CACNB2: variants seen among roughly 807,000 people sequenced by gnomAD.
CACNB2 encodes calcium voltage-gated channel auxiliary subunit beta 2.
In CACNB2, 42 loss-of-function variants were observed where a neutral mutation model predicts 73.3. The observed-to-expected ratio is 0.57, with a 90% confidence interval of 0.45 to 0.74. The LOEUF (loss-of-function observed/expected upper bound fraction) is 0.74, where lower values mean the gene tolerates loss of function less well. Ranked by LOEUF, CACNB2 falls within the 30% of genes least tolerant of loss-of-function variation. The pLI is 0.00. For missense variants in CACNB2, 940 were observed against 853.0 expected (o/e 1.10, Z -1.27); for synonymous variants, 348 against 310.3 (o/e 1.12, Z -1.28).
intron 2 of CACNB2, among the ~76,000 whole-genome samples, chr10:18,193,624 T>C (rs1398186611): frequency 6.6e-6 from 1 of 152,122 alleles, no homozygotes; most frequent in Non-Finnish European, 1.5e-5. Flanking sequence ...TCTAGTGTGG[T>C]GGGTTGATGT....
intron 2 of CACNB2, among the ~76,000 whole-genome samples, chr10:18,363,833 A>T (rs189166978): frequency 6.6e-6 from 1 of 152,058 alleles, no homozygotes; most frequent in Admixed American, 6.5e-5. Flanking sequence ...GGTTTGGTTT[A>T]AAAACAGATC....
chr10:18,164,192 AG>A (rs2032679918), intron 2 of CACNB2, among the ~76,000 whole-genome samples: 1 of 152,264 alleles, frequency 6.6e-6, no homozygotes, highest in Admixed American at 6.5e-5. Flanking sequence ...TGAAGGTCAC[AG>A]GGTTTAGAGC....
At chr10:18,232,152 T>C (rs1378230946) in intron 2 of CACNB2, among the ~76,000 whole-genome samples, 1 of 152,210 alleles carries the variant, frequency 6.6e-6, no homozygotes, top group Non-Finnish European at 1.5e-5. Context: ...GGAGGAAATA[T>C]TTAAAACCAT....
chr10:18,365,978 A>T (rs2042330742), intron 2 of CACNB2, among the ~76,000 whole-genome samples: 1 of 152,204 alleles, frequency 6.6e-6, no homozygotes, highest in Non-Finnish European at 1.5e-5. Flanking sequence ...ACAAACACTC[A>T]CATTCCCTTC....
At chr10:18,280,201 C>T (rs1345799791) in intron 2 of CACNB2, among the ~76,000 whole-genome samples, 3 of 147,764 alleles carry the variant, frequency 2.0e-5, no homozygotes, top group Non-Finnish European at 3.0e-5. Flanking sequence ...ATAGCTGACA[C>T]ATGGGGATTA....
At chr10:18,172,281 T>C (rs1014574616) in intron 2 of CACNB2, among the ~76,000 whole-genome samples, 8 of 152,174 alleles carry the variant, frequency 5.3e-5, no homozygotes, top group Non-Finnish European at 1.2e-4. Context: ...GGAGGATCAC[T>C]TGGACTGGGG....
At chr10:18,237,149 G>A (rs1413646293) in intron 2 of CACNB2, among the ~76,000 whole-genome samples, 1 of 152,130 alleles carries the variant, frequency 6.6e-6, no homozygotes, top group Non-Finnish European at 1.5e-5. Context: ...ACCTACTCTT[G>A]GGGTCTGGAG....
At chr10:18,378,127 T>C (rs2042875705) in intron 2 of CACNB2, among the ~76,000 whole-genome samples, 1 of 152,116 alleles carries the variant, frequency 6.6e-6, no homozygotes, top group African/African-American at 2.4e-5. Flanking sequence ...CTAGGAAACC[T>C]GAGAGGTTGA....
Position 18,156,642 on chromosome 10 carries a change from G to A in CACNB2, c.213+5667G>A, listed in dbSNP as rs116833163. ...CTATTCCATATAAACTTGTTGTAAA[G>A]TGATAAACTAGCTCATCTTATACAG... is the stretch of plus-strand genomic sequence containing the variant. On this transcript the variant is annotated intron_variant, in intron 2 of 13. Transcript: ENST00000324631. 1.2e-3 allele frequency among the ~76,000 whole-genome samples: 184 copies of A among 152,290 alleles called. 2 individuals carry two copies. The highest frequency in any genetic ancestry group is 3.5e-3 in the African/African-American group (147 of 41,552).
intron 2 of CACNB2, among the ~76,000 whole-genome samples, chr10:18,166,358 C>G (rs962907083): frequency 6.6e-6 from 1 of 152,014 alleles, no homozygotes; most frequent in Non-Finnish European, 1.5e-5. Flanking sequence ...CAGGTTCAAG[C>G]GACTTTCATG....
intron 3 of CACNB2, among the ~76,000 whole-genome samples, chr10:18,404,330 T>A (rs1157642525): frequency 6.6e-6 from 1 of 152,114 alleles, no homozygotes; most frequent in African/African-American, 2.4e-5. Flanking sequence ...CTTGAAGAAA[T>A]AATGCAAAAT....
chr10:18,145,999 C>T (rs1025791367), intron 1 of CACNB2, among the ~76,000 whole-genome samples: 1 of 152,114 alleles, frequency 6.6e-6, no homozygotes, highest in South Asian at 2.1e-4. Flanking sequence ...GACACCCACC[C>T]CCATCCCCAA....
At chr10:18,406,837 G>A (rs1395087126) in intron 3 of CACNB2, among the ~76,000 whole-genome samples, 1 of 152,124 alleles carries the variant, frequency 6.6e-6, no homozygotes, top group Non-Finnish European at 1.5e-5. Context: ...ATGGACAGGT[G>A]AAGTTTAGCT....
intron 2 of CACNB2, among the ~76,000 whole-genome samples, chr10:18,248,634 G>C (rs1488817014): frequency 2.6e-5 from 4 of 152,198 alleles, no homozygotes; most frequent in Admixed American, 6.5e-5. Flanking sequence ...TATCTTAAAA[G>C]AGAATGTCTA....
intron 2 of CACNB2, among the ~76,000 whole-genome samples, chr10:18,171,954 T>C (rs1047244685): frequency 6.6e-6 from 1 of 152,154 alleles, no homozygotes; most frequent in Non-Finnish European, 1.5e-5. Context: ...TTCTTCTCTG[T>C]GGAGCTAACT....
At chr10:18,392,908 T>C (rs894347171) in intron 2 of CACNB2, among the ~76,000 whole-genome samples, 2 of 152,082 alleles carry the variant, frequency 1.3e-5, no homozygotes, top group African/African-American at 4.8e-5. Context: ...TATATTAGCA[T>C]GAAAAAATTC....
chr10:18,524,862 T>TAA (rs752541857), intron 9 of CACNB2, among the ~76,000 whole-genome samples: 2,611 of 117,388 alleles, frequency 0.022, 30 homozygotes, highest in Non-Finnish European at 0.036. Flanking sequence ...CTGTTTCTAC[T>TAA]AAAAAAAAAA....
In CACNB2 at chr10:18,490,655, A is replaced by C. The variant is rs368333357; in HGVS notation, c.334-7700A>C. On this transcript the variant is annotated intron_variant, in intron 3 of 13. Coordinates refer to ENST00000324631, the MANE Select transcript of CACNB2 (RefSeq NM_201596.3). ...GTCTCCCAACCAACGTAGTATCCTAATGATTCTGTAGAGCAGGATGAATCT... is the reference window on the plus strand; with the variant it reads ...GTCTCCCAACCAACGTAGTATCCTACTGATTCTGTAGAGCAGGATGAATCT... Among the ~76,000 whole-genome samples the C allele has an allele frequency of 3.9e-5, 6 of 152,294 alleles. No homozygotes were observed. The South Asian group carries it at 1.0e-3, about 26-fold the overall frequency.
At chr10:18,476,384 A>G (rs2048441263) in intron 3 of CACNB2, among the ~76,000 whole-genome samples, 1 of 152,242 alleles carries the variant, frequency 6.6e-6, no homozygotes, top group Non-Finnish European at 1.5e-5. Flanking sequence ...AGTATACTCT[A>G]CATAGAGTGA....
Sources: allele counts gnomAD v4.1 joint callset (sites outside exome capture counted in the v4.1 genomes callset), GRCh38; gene constraint gnomAD v4.1.1; transcripts MANE v1.5; gene names NCBI Gene and HGNC (gene_info 2026-07-23, HGNC 2026-07-21).